Variants in RYR3 observed in about 807,000 individuals in gnomAD.
RYR3 encodes the protein brain ryanodine receptor-calcium release channel.
In RYR3, 207 loss-of-function variants were observed where a neutral mutation model predicts 584.3. The observed-to-expected ratio is 0.35, with a 90% confidence interval of 0.32 to 0.40. The LOEUF (loss-of-function observed/expected upper bound fraction) is 0.40, where lower values mean the gene tolerates loss of function less well. RYR3 is among the 10% of genes least tolerant of loss of function. The pLI is 1.00. For synonymous variants in RYR3, 2,416 were observed against 2,248.5 expected (o/e 1.07, Z -2.11); for missense variants, 5,616 against 6,089.2 (o/e 0.92, Z 2.59).
chr15:33,739,345 C>T (rs2069831961), intron 50 of RYR3, among the ~76,000 whole-genome samples: 1 of 152,134 alleles, frequency 6.6e-6, no homozygotes, highest in African/African-American at 2.4e-5. Context: ...GACTGAAATT[C>T]ATTTCTGGCT....
intron 98 of RYR3, 108 bp from the exon 99 acceptor site, chr15:33,857,672 T>G: frequency 1.4e-6 from 2 of 1,412,178 alleles, no homozygotes; most frequent in Non-Finnish European, 1.9e-6. Context: ...CCATTTCCTC[T>G]CCTTGCCCGT....
intron 60 of RYR3, among the ~76,000 whole-genome samples, chr15:33,766,389 C>T (rs8042401): frequency 1.2e-4 from 18 of 151,862 alleles, no homozygotes; most frequent in Admixed American, 2.6e-4. Context: ...AGACAGGAGA[C>T]GCCCCATGCT....
At chr15:33,453,409 C>G (rs932338427) in intron 1 of RYR3, among the ~76,000 whole-genome samples, 2 of 152,104 alleles carry the variant, frequency 1.3e-5, no homozygotes, top group Non-Finnish European at 2.9e-5. Flanking sequence ...GCATAATATT[C>G]CTACCATTGT....
intron 1 of RYR3, among the ~76,000 whole-genome samples, chr15:33,460,825 T>G (rs2047963389): frequency 6.6e-6 from 1 of 151,928 alleles, no homozygotes; most frequent in Non-Finnish European, 1.5e-5. Flanking sequence ...GGTAAGTTTG[T>G]TTCCTGCTTG....
chr15:33,393,225 A>G (rs1486716120), intron 1 of RYR3, among the ~76,000 whole-genome samples: 1 of 152,236 alleles, frequency 6.6e-6, no homozygotes, highest in African/African-American at 2.4e-5. Flanking sequence ...AGCTGACTTG[A>G]GTTAAATGAG....
intron 12 of RYR3, 54 bp downstream of exon 12, chr15:33,566,853 A>C: frequency 6.3e-7 from 1 of 1,598,328 alleles, no homozygotes; most frequent in Non-Finnish European, 8.6e-7. Flanking sequence ...GTGGCCTGCC[A>C]ACACCACCAC....
Position 33,311,183 on chromosome 15 carries a change from G to C in RYR3, c.51+87G>C. Reference sequence around the variant, plus strand: ...GGAGGGGCTGGCTGCGCTGCGCCGCGGTGCCGGGTGCCCGGTGCCGGGCGC... The same window carrying C: ...GGAGGGGCTGGCTGCGCTGCGCCGCCGTGCCGGGTGCCCGGTGCCGGGCGC... On this transcript the variant is annotated intron_variant, in intron 1 of 103. Coordinates refer to ENST00000634891, the MANE Select transcript of RYR3 (RefSeq NM_001036.6). The surrounding 1 kb of genome is among the most constrained non-coding windows in gnomAD (Gnocchi z 4.4). The C allele has an allele frequency of 2.9e-6, 3 of 1,027,326 alleles. No homozygotes were observed. Among genetic ancestry groups the C allele is most frequent in the Non-Finnish European group, 3.9e-6 (3 of 762,914 alleles). 63.6% of individuals were successfully genotyped at this position (1,027,326 alleles called of 1,614,324 possible).
In RYR3 at chr15:33,619,589, A is replaced by G. The variant is rs75901988; in HGVS notation, c.2358-4218A>G. On this transcript the variant is annotated intron_variant, in intron 19 of 103. Coordinates refer to ENST00000634891, the MANE Select transcript of RYR3 (RefSeq NM_001036.6). ...GGAGAAGTTCTCGGGTAGGTCCTGT[A>G]GCTTTTATTACTACTTTTAGGAACA... is the stretch of plus-strand genomic sequence containing the variant. 2.9e-3 allele frequency among the ~76,000 whole-genome samples: 447 copies of G among 152,330 alleles called. 2 individuals are homozygous for G. The highest frequency in any genetic ancestry group is 0.01 in the African/African-American group (424 of 41,574).
chr15:33,753,799 A>G (rs778987093), intron 57 of RYR3, among the ~76,000 whole-genome samples: 1 of 152,186 alleles, frequency 6.6e-6, no homozygotes, highest in African/African-American at 2.4e-5. Context: ...CGTCATTTTA[A>G]TCCTGTTCTT....
At chr15:33,582,695 C>G (rs1039092705) in intron 14 of RYR3, among the ~76,000 whole-genome samples, 22 of 152,148 alleles carry the variant, frequency 1.4e-4, no homozygotes, top group African/African-American at 5.3e-4. Flanking sequence ...ACTGATGGAG[C>G]TATGGCTTGA....
intron 93 of RYR3, among the ~76,000 whole-genome samples, chr15:33,846,504 T>C (rs1017868429): frequency 2.0e-5 from 3 of 152,190 alleles, no homozygotes; most frequent in African/African-American, 7.2e-5. Flanking sequence ...TCTCATTACA[T>C]TTTTTTCTTC....
At chr15:33,670,770 G>C (rs938346327) in intron 38 of RYR3, among the ~76,000 whole-genome samples, 1 of 152,096 alleles carries the variant, frequency 6.6e-6, no homozygotes, top group Non-Finnish European at 1.5e-5. Context: ...CCTGAAACCT[G>C]AGATGGGTTG....
intron 28 of RYR3, among the ~76,000 whole-genome samples, chr15:33,645,486 A>G (rs1221388743): frequency 6.6e-6 from 1 of 152,162 alleles, no homozygotes; most frequent in Admixed American, 6.5e-5. Context: ...CCTCAGTTAA[A>G]TAGTAGAGAC....
At chr15:33,854,152 C>T (rs1022330371) in intron 96 of RYR3, among the ~76,000 whole-genome samples, 1 of 150,004 alleles carries the variant, frequency 6.7e-6, no homozygotes, top group Non-Finnish European at 1.5e-5. Context: ...GCCAAGATCA[C>T]GCCACTACAC....
intron 1 of RYR3, among the ~76,000 whole-genome samples, chr15:33,338,000 A>G (rs919720847): frequency 9.7e-5 from 13 of 134,186 alleles, no homozygotes; most frequent in African/African-American, 3.8e-4. Flanking sequence ...GCTAGAGTGC[A>G]GTGGCGCGAT....
intron 60 of RYR3, among the ~76,000 whole-genome samples, chr15:33,767,336 A>AG (rs2073168446): frequency 6.6e-6 from 1 of 152,118 alleles, no homozygotes; most frequent in African/African-American, 2.4e-5. Context: ...AACCATGGGA[A>AG]GAAAAAAAGA....
At chr15:33,604,475 T>G (rs1165247256) in intron 18 of RYR3, among the ~76,000 whole-genome samples, 1 of 152,210 alleles carries the variant, frequency 6.6e-6, no homozygotes, top group Non-Finnish European at 1.5e-5. Context: ...GCATTCAGCT[T>G]CAACACTTTA....
chr15:33,757,932 A>T (rs751741862), intron 60 of RYR3: 1 of 277,738 alleles, frequency 3.6e-6, no homozygotes, highest in Non-Finnish European at 7.0e-6. Context: ...TGCATTTCCA[A>T]CTGAGGTACC....
chr15:33,696,477 G>C lies in RYR3; in HGVS notation c.6120G>C (p.Met2040Ile), dbSNP rs1464389500. 6.2e-7 allele frequency: 1 copy of C among 1,613,868 alleles called. No homozygotes were observed. The highest frequency in any genetic ancestry group is 8.5e-7 in the Non-Finnish European group (1 of 1,179,878). Residue 2040 changes from methionine (M) to isoleucine (I), a missense_variant, in exon 39 of 104, where the codon ATG (methionine) becomes ATC (isoleucine). Physicochemically the swap from Met to Ile is conservative, Grantham distance 10. Transcript: ENST00000634891. ...VRMGKEEELL[M>I]INGLGDIMNN... ...TGGGCAAGGAAGAGGAGTTGCTCATGATCAATGGGCTGGGGTAGGTGATTC... is the reference window on the plus strand; with the variant it reads ...TGGGCAAGGAAGAGGAGTTGCTCATCATCAATGGGCTGGGGTAGGTGATTC...
Sources: allele counts gnomAD v4.1 joint callset (sites outside exome capture counted in the v4.1 genomes callset), GRCh38; gene constraint gnomAD v4.1.1; non-coding constraint Gnocchi (gnomAD v3.1); transcripts MANE v1.5; gene names NCBI Gene and HGNC (gene_info 2026-07-23, HGNC 2026-07-21).